RABGAP1L: variants seen among roughly 807,000 people sequenced by gnomAD.
The protein encoded by RABGAP1L is rab GTPase-activating protein 1-like.
In RABGAP1L, 63 loss-of-function variants were observed where a neutral mutation model predicts 137.7. The observed-to-expected ratio is 0.46, with a 90% CI of 0.37 to 0.56. RABGAP1L has a LOEUF of 0.56. RABGAP1L is among the 20% of genes least tolerant of loss of function. The pLI is 0.00. For synonymous variants in RABGAP1L, 431 were observed against 433.7 expected (o/e 0.99, Z 0.08); for missense variants, 1,095 against 1,244.0 (o/e 0.88, Z 1.80).
chr1:174,675,635 G>C (rs1204162277), intron 14 of RABGAP1L, among the ~76,000 whole-genome samples: 1 of 152,022 alleles, frequency 6.6e-6, no homozygotes, highest in Non-Finnish European at 1.5e-5. Flanking sequence ...GAAAGTCATT[G>C]GTAGCTTGAT....
chr1:174,510,882 C>G (rs992011446), intron 13 of RABGAP1L, among the ~76,000 whole-genome samples: 2 of 152,122 alleles, frequency 1.3e-5, no homozygotes, highest in African/African-American at 4.8e-5. Flanking sequence ...TCAAGGCAAA[C>G]TAATTTGGTT....
At chr1:174,341,014 A>C (rs1681925558) in intron 11 of RABGAP1L, among the ~76,000 whole-genome samples, 1 of 151,988 alleles carries the variant, frequency 6.6e-6, no homozygotes, top group Non-Finnish European at 1.5e-5. Flanking sequence ...TCTAATGATC[A>C]GTGATGTTGA....
intron 1 of RABGAP1L, among the ~76,000 whole-genome samples, chr1:174,181,340 CTT>C (rs1179097330): frequency 7.9e-5 from 11 of 138,900 alleles, no homozygotes; most frequent in Admixed American, 7.3e-5. Flanking sequence ...TTCTTTTTTT[CTT>C]TTTTTTTTTT....
chr1:174,283,848 G>A (rs1009605606), intron 10 of RABGAP1L, among the ~76,000 whole-genome samples: 1 of 152,076 alleles, frequency 6.6e-6, no homozygotes, highest in Non-Finnish European at 1.5e-5. Context: ...CAATAAACAT[G>A]GCCTGTCTCA....
chr1:174,847,472 C>G (rs1014541659), intron 19 of RABGAP1L, among the ~76,000 whole-genome samples: 1 of 150,444 alleles, frequency 6.6e-6, no homozygotes, highest in Admixed American at 6.6e-5. Context: ...TATTTTATTT[C>G]TCCTTCACTT....
At chr1:174,568,857 A>T (rs1290035989) in intron 13 of RABGAP1L, among the ~76,000 whole-genome samples, 2 of 152,244 alleles carry the variant, frequency 1.3e-5, no homozygotes, top group African/African-American at 4.8e-5. Context: ...AACAAAAGGG[A>T]ACAAAATTGC....
chr1:174,643,746 A>G (rs1674713226), intron 14 of RABGAP1L, among the ~76,000 whole-genome samples: 1 of 152,072 alleles, frequency 6.6e-6, no homozygotes, highest in African/African-American at 2.4e-5. Flanking sequence ...AGTTTGATTT[A>G]GTTTTTTTCC....
At chr1:174,371,934 A>G (rs1685143680) in intron 12 of RABGAP1L, among the ~76,000 whole-genome samples, 1 of 152,184 alleles carries the variant, frequency 6.6e-6, no homozygotes, top group African/African-American at 2.4e-5. Flanking sequence ...ATGTATTTAC[A>G]GTTCCAACGG....
At chr1:174,849,373 G>A (rs1448514907) in intron 19 of RABGAP1L, among the ~76,000 whole-genome samples, 1 of 152,126 alleles carries the variant, frequency 6.6e-6, no homozygotes, top group Non-Finnish European at 1.5e-5. Context: ...GGGGCCATAT[G>A]ACGAATTTAA....
At chr1:174,696,086 C>T (rs566666028) in intron 15 of RABGAP1L, among the ~76,000 whole-genome samples, 10 of 152,060 alleles carry the variant, frequency 6.6e-5, no homozygotes, top group South Asian at 4.1e-4. Flanking sequence ...TGGTACCTGA[C>T]GACTACTGCC....
intron 19 of RABGAP1L, among the ~76,000 whole-genome samples, chr1:174,853,165 A>T (rs1648668616): frequency 6.6e-6 from 1 of 151,794 alleles, no homozygotes; most frequent in Non-Finnish European, 1.5e-5. Context: ...TGTCTCAATT[A>T]TAAAAAGGTA....
chr1:174,866,485 G>A (rs1339199520), intron 19 of RABGAP1L, among the ~76,000 whole-genome samples: 1 of 152,066 alleles, frequency 6.6e-6, no homozygotes, highest in Non-Finnish European at 1.5e-5. Context: ...CAAGAATGTT[G>A]CCTCAATTCA....
intron 18 of RABGAP1L, among the ~76,000 whole-genome samples, chr1:174,774,301 G>GT (rs1686352299): frequency 1.3e-5 from 2 of 152,074 alleles, no homozygotes; most frequent in African/African-American, 4.8e-5. Context: ...GATTAAGAAG[G>GT]TTTTTATGGC....
chr1:174,393,258 T>G, intron 12 of RABGAP1L, among the ~76,000 whole-genome samples: 1 of 152,156 alleles, frequency 6.6e-6, no homozygotes, highest in East Asian at 1.9e-4. Context: ...CTTGCTGTTG[T>G]AACAAGTCAG....
intron 19 of RABGAP1L, among the ~76,000 whole-genome samples, chr1:174,835,393 T>C (rs1894198): frequency 0.63 from 95,130 of 152,094 alleles, 32,074 homozygotes; most frequent in East Asian, 0.93. Flanking sequence ...ATAATGAAAA[T>C]TTACCTTTTA....
At chr1:174,729,205 C>T (rs775002113) in intron 17 of RABGAP1L, among the ~76,000 whole-genome samples, 7 of 151,944 alleles carry the variant, frequency 4.6e-5, no homozygotes, top group African/African-American at 7.3e-5. Flanking sequence ...TTGACAAAGT[C>T]GACAAAATTC....
chr1:174,726,637 T>TCTA (rs1418687647), intron 17 of RABGAP1L, among the ~76,000 whole-genome samples: 8 of 152,180 alleles, frequency 5.3e-5, no homozygotes, highest in Non-Finnish European at 1.2e-4. Context: ...TTAAGTCATT[T>TCTA]TCTAAGAGAT....
chr1:174,363,992 T>G (rs1009553358), intron 11 of RABGAP1L, among the ~76,000 whole-genome samples: 9 of 151,838 alleles, frequency 5.9e-5, no homozygotes, highest in Non-Finnish European at 8.8e-5. Context: ...ATCACTGATA[T>G]TGGCCTACAG....
intron 13 of RABGAP1L, among the ~76,000 whole-genome samples, chr1:174,474,032 T>C (rs1192830451): frequency 6.6e-6 from 1 of 152,352 alleles, no homozygotes; most frequent in East Asian, 1.9e-4. Context: ...TTTTGTTTTA[T>C]ACATAAATGT....
Sources: gnomAD v4.1 joint callset for allele counts (sites outside exome capture counted in the v4.1 genomes callset) on GRCh38, gnomAD v4.1.1 for gene constraint, MANE v1.5 for transcripts, NCBI Gene and HGNC (gene_info 2026-07-23, HGNC 2026-07-21) for gene names.